Variants in PCNX1 observed in about 807,000 individuals in gnomAD.
PCNX1 encodes pecanex 1.
In PCNX1, 78 loss-of-function variants were observed where a neutral mutation model predicts 242.2. That is an observed-to-expected ratio of 0.32 (90% CI 0.27 to 0.39). The LOEUF is 0.39. PCNX1 is among the 10% of genes least tolerant of loss of function. The probability of loss-of-function intolerance (pLI) is 1.00; values close to 1 mark genes in which losing one functional copy is unlikely to be tolerated. For synonymous variants in PCNX1, 1,024 were observed against 1,032.9 expected, an observed-to-expected ratio of 0.99 and a Z score of 0.17; for missense variants, 2,581 against 2,856.5, an observed-to-expected ratio of 0.90 and a Z score of 2.20.
intron 8 of PCNX1, among the ~76,000 whole-genome samples, chr14:71,008,655 CAAAA>C (rs777494885): frequency 2.1e-4 from 7 of 32,758 alleles, no homozygotes; most frequent in Admixed American, 7.0e-4. Flanking sequence ...GACTCTGTCT[CAAAA>C]AAAAAAAAAA....
chr14:70,989,534 ATTT>A (rs34767376), intron 7 of PCNX1, among the ~76,000 whole-genome samples: 1 of 126,342 alleles, frequency 7.9e-6, no homozygotes. Flanking sequence ...ACAGATATAA[ATTT>A]TTTTTTTTTT....
Position 71,075,940 on chromosome 14 carries a change from T to C in PCNX1, c.5107-249T>C, listed in dbSNP as rs112869577. Among the ~76,000 whole-genome samples the C allele has an allele frequency of 6.9e-3, 1,044 of 152,120 alleles. 9 individuals are homozygous for C. The highest frequency in any genetic ancestry group is 0.024 in the African/African-American group (977 of 41,482). On this transcript the variant is annotated intron_variant, in intron 27 of 35. Coordinates refer to ENST00000304743, the MANE Select transcript of PCNX1 (RefSeq NM_014982.3). ...TAGAATTGTTTTGAAGTTGCTTTGT[T>C]GAATTTATGGTTGTGATTTTAAAGT...
chr14:71,004,958 T>C (rs1419378644), intron 8 of PCNX1, among the ~76,000 whole-genome samples: 2 of 152,080 alleles, frequency 1.3e-5, no homozygotes, highest in African/African-American at 4.8e-5. Flanking sequence ...TTATAGCCCC[T>C]CTCTGCCCTA....
At chr14:70,989,585 A>G (rs1004131644) in intron 7 of PCNX1, among the ~76,000 whole-genome samples, 6 of 140,076 alleles carry the variant, frequency 4.3e-5, no homozygotes, top group Non-Finnish European at 9.0e-5. Flanking sequence ...GCAGGAGTGC[A>G]GTCGCGTGAT....
chr14:71,003,677 G>A (rs1459012112), intron 8 of PCNX1, among the ~76,000 whole-genome samples: 1 of 152,166 alleles, frequency 6.6e-6, no homozygotes, highest in Non-Finnish European at 1.5e-5. Context: ...TTAGCAAGCA[G>A]GAGTGGAGTT....
Position 71,005,289 on chromosome 14 carries a change from G to A in PCNX1, c.2630-4345G>A, listed in dbSNP as rs1319652967. Among the ~76,000 whole-genome samples, 3 of 152,194 alleles carry A rather than the reference G, an allele frequency of 2.0e-5. No individual in the cohort carries two copies. The East Asian group carries it at 5.8e-4, about 29-fold the overall frequency. ...AGGCTGAGGCAGGAGGTATCACTTA[G>A]GCCCAGGAATTCGAGACCAGCCTGG... On this transcript the variant is annotated intron_variant, in intron 8 of 35. Coordinates refer to ENST00000304743, the MANE Select transcript of PCNX1 (RefSeq NM_014982.3).
chr14:71,087,490 G>A (rs1034870939), intron 28 of PCNX1, among the ~76,000 whole-genome samples: 1 of 152,122 alleles, frequency 6.6e-6, no homozygotes, highest in South Asian at 2.1e-4. Flanking sequence ...GAATAATTAA[G>A]CTAATTATTA....
chr14:71,019,718 G>A (rs932254537), intron 12 of PCNX1, among the ~76,000 whole-genome samples: 1 of 151,774 alleles, frequency 6.6e-6, no homozygotes, highest in Non-Finnish European at 1.5e-5. Context: ...AACTGTATTT[G>A]TTAAAATAAG....
At chr14:71,073,457 A>G in intron 26 of PCNX1, 88 bp from the exon 27 acceptor site, 5 of 1,272,194 alleles carry the variant, frequency 3.9e-6, no homozygotes, top group Non-Finnish European at 1.1e-6. Context: ...TAAAATATGT[A>G]TTTTTTTCTA....
chr14:71,021,772 A>T (rs375248660), intron 12 of PCNX1, among the ~76,000 whole-genome samples: 21 of 151,940 alleles, frequency 1.4e-4, no homozygotes, highest in African/African-American at 3.9e-4. Context: ...TTTGATCATG[A>T]CTTTATACCA....
intron 1 of PCNX1, among the ~76,000 whole-genome samples, chr14:70,942,324 T>C (rs908588566): frequency 6.6e-6 from 1 of 152,232 alleles, no homozygotes; most frequent in Admixed American, 6.5e-5. Flanking sequence ...AAGGTTTTTT[T>C]TAAATAAAGA....
chr14:70,967,178 A>G (rs548357274), intron 3 of PCNX1, among the ~76,000 whole-genome samples: 2 of 152,212 alleles, frequency 1.3e-5, no homozygotes, highest in South Asian at 2.1e-4. Context: ...GTGTGCACCC[A>G]TTCAGTTGCC....
At chr14:71,088,553 A>G (rs559635752) in intron 29 of PCNX1, 123 bp downstream of exon 29, 1 of 556,056 alleles carries the variant, frequency 1.8e-6, no homozygotes, top group Non-Finnish European at 3.3e-6. Context: ...TTTAGGTTTT[A>G]TATTTCTATA....
At chr14:71,029,058 G>A (rs905960611) in intron 16 of PCNX1, among the ~76,000 whole-genome samples, 1 of 152,012 alleles carries the variant, frequency 6.6e-6, no homozygotes, top group Non-Finnish European at 1.5e-5. Flanking sequence ...GGCTCATCTG[G>A]TATAAGGGTA....
At chr14:70,965,942 A>C (rs973392061) in intron 3 of PCNX1, among the ~76,000 whole-genome samples, 1 of 152,138 alleles carries the variant, frequency 6.6e-6, no homozygotes, top group African/African-American at 2.4e-5. Flanking sequence ...CCTCAAGTGT[A>C]AAAAGATACT....
intron 20 of PCNX1, among the ~76,000 whole-genome samples, chr14:71,046,421 A>G (rs541897049): frequency 2.6e-5 from 4 of 151,874 alleles, no homozygotes; most frequent in South Asian, 4.2e-4. Flanking sequence ...TTTTTCTGGT[A>G]CTGATTTTAG....
At position 70,963,702 on chromosome 14, in the gene PCNX1, C is replaced by A. The variant is rs865963182; in HGVS notation, c.468+1371C>A. On this transcript the variant is annotated intron_variant, in intron 3 of 35. Transcript: ENST00000304743. ...AGTTTTGAACCTAGTACCTTTCTCT[C>A]TTTTGTCTTTCTGTATCGTTACTAC... Among the ~76,000 whole-genome samples the A allele has an allele frequency of 1.5e-4, 23 of 152,340 alleles. 1 individual carries two copies. The highest frequency in any genetic ancestry group is 5.5e-4 in the African/African-American group (23 of 41,590).
chr14:70,911,762 A>G (rs1016213420), intron 1 of PCNX1, among the ~76,000 whole-genome samples: 3 of 152,162 alleles, frequency 2.0e-5, no homozygotes, highest in African/African-American at 7.2e-5. Flanking sequence ...GAAATTATTT[A>G]CCTTCAGAAT....
chr14:71,076,434 A>G lies in PCNX1; in HGVS notation c.5337+15A>G, dbSNP rs1291384615. 2 of 1,485,528 alleles carry G rather than the reference A, an allele frequency of 1.3e-6. No individual in the cohort carries two copies. Among genetic ancestry groups the G allele is most frequent in the Admixed American group, 1.7e-5 (1 of 59,582 alleles). 92.0% of individuals were successfully genotyped at this position (1,485,528 alleles called of 1,614,324 possible). On this transcript the variant is annotated intron_variant, in intron 28 of 35. Coordinates refer to ENST00000304743, the MANE Select transcript of PCNX1 (RefSeq NM_014982.3). ...GAAGAGCAAAGGTAGAGTTTATTTCATTTATAACTCTTTGAATCCAGGTTT... is the reference window on the plus strand; with the variant it reads ...GAAGAGCAAAGGTAGAGTTTATTTCGTTTATAACTCTTTGAATCCAGGTTT...
Sources: gnomAD v4.1 joint callset for allele counts (sites outside exome capture counted in the v4.1 genomes callset) on GRCh38, gnomAD v4.1.1 for gene constraint, MANE v1.5 for transcripts, NCBI Gene and HGNC (gene_info 2026-07-23, HGNC 2026-07-21) for gene names.